The following HDAC9 variants were observed in gnomAD, a reference collection of about 807,000 sequenced individuals.
HDAC9 encodes the protein MEF-2 interacting transcription repressor (MITR) protein.
In HDAC9, 41 loss-of-function variants were observed where a neutral mutation model predicts 139.4. The observed-to-expected ratio is 0.29, with a 90% CI of 0.23 to 0.38. The LOEUF is 0.38. Among genes scored for constraint, HDAC9 ranks in the 10% least tolerant of loss-of-function variants. The pLI is 1.00. For missense variants in HDAC9, 1,147 were observed against 1,297.0 expected (o/e 0.88, Z 1.78); for synonymous variants, 517 against 476.2 (o/e 1.09, Z -1.12).
chr7:18,877,192 A>G (rs1799381758), intron 22 of HDAC9, among the ~76,000 whole-genome samples: 1 of 152,126 alleles, frequency 6.6e-6, no homozygotes, highest in Non-Finnish European at 1.5e-5. Flanking sequence ...TACTTTCTAG[A>G]GATGCTGCCC....
chr7:18,170,720 T>C (rs1290918150), intron 2 of HDAC9, among the ~76,000 whole-genome samples: 1 of 152,226 alleles, frequency 6.6e-6, no homozygotes, highest in African/African-American at 2.4e-5. Flanking sequence ...TCCCATTTCT[T>C]GTTTTTGTCA....
chr7:18,754,101 G>A (rs996170633), intron 14 of HDAC9, among the ~76,000 whole-genome samples: 4 of 151,906 alleles, frequency 2.6e-5, no homozygotes, highest in East Asian at 1.9e-4. Context: ...TTTTTGGCCT[G>A]ACGTGGCACT....
intron 2 of HDAC9, among the ~76,000 whole-genome samples, chr7:18,175,864 A>G (rs930484688): frequency 2.8e-5 from 4 of 143,372 alleles, no homozygotes; most frequent in Admixed American, 7.3e-5. Context: ...ATATCATTGC[A>G]TAATTAACCT....
At chr7:18,376,809 G>A (rs1785025833) in intron 1 of HDAC9, among the ~76,000 whole-genome samples, 1 of 152,086 alleles carries the variant, frequency 6.6e-6, no homozygotes, top group Admixed American at 6.5e-5. Flanking sequence ...AAAACCATCA[G>A]TGTCTTCATC....
At position 18,528,044 on chromosome 7, in the gene HDAC9, A is replaced by G. The variant is rs540241588; in HGVS notation, c.22+31720A>G. On this transcript the variant is annotated intron_variant, in intron 2 of 25. Transcript: ENST00000686413. ...GGTGGTTCACTTCTGTAATCCCAGC[A>G]ATTTGGGAGGGCGAGGCAGTAGGAT... Among the ~76,000 whole-genome samples, 333 of 152,180 alleles carry G rather than the reference A, an allele frequency of 2.2e-3. 3 individuals carry two copies. The highest frequency in any genetic ancestry group is 1.1e-3 in the Non-Finnish European group (77 of 67,998).
At chr7:18,289,478 G>C (rs1321409074), upstream of HDAC9, among the ~76,000 whole-genome samples, 1 of 152,122 alleles carries the variant, frequency 6.6e-6, no homozygotes, top group South Asian at 2.1e-4. Flanking sequence ...ATTACCACAT[G>C]TAAATATATT....
At chr7:18,847,944 C>T (rs945436513) in intron 21 of HDAC9, among the ~76,000 whole-genome samples, 1 of 152,136 alleles carries the variant, frequency 6.6e-6, no homozygotes, top group Admixed American at 6.6e-5. Flanking sequence ...AGACTTAACT[C>T]GTTATGAAAG....
At chr7:18,424,718 G>T (rs1789951290) in intron 1 of HDAC9, among the ~76,000 whole-genome samples, 1 of 152,192 alleles carries the variant, frequency 6.6e-6, no homozygotes, top group Non-Finnish European at 1.5e-5. Context: ...AGGCCAGCCA[G>T]GCCAACCTGG....
chr7:18,152,440 G>A (rs909063205), intron 1 of HDAC9, among the ~76,000 whole-genome samples: 1 of 152,006 alleles, frequency 6.6e-6, no homozygotes, highest in African/African-American at 2.4e-5. Context: ...TTTCTTAATT[G>A]TTCATATGCA....
chr7:18,821,875 C>T (rs373528031), intron 17 of HDAC9, among the ~76,000 whole-genome samples: 18 of 152,256 alleles, frequency 1.2e-4, no homozygotes, highest in Admixed American at 1.1e-3. Flanking sequence ...AGGATAACTT[C>T]CAGAACTCAG....
At chr7:18,648,275 T>C (rs2129030565) in intron 10 of HDAC9, among the ~76,000 whole-genome samples, 191 bp from the exon 11 acceptor site, 1 of 152,228 alleles carries the variant, frequency 6.6e-6, no homozygotes, top group Non-Finnish European at 1.5e-5. Context: ...CCTTGACATT[T>C]CTCTCTTCCC....
At chr7:18,632,162 A>C (rs1028470962) in intron 7 of HDAC9, among the ~76,000 whole-genome samples, 4 of 152,040 alleles carry the variant, frequency 2.6e-5, no homozygotes, top group South Asian at 2.1e-4. Flanking sequence ...AGAATTTTTA[A>C]ATTCTACATT....
At chr7:18,552,764 G>C (rs1817559658) in intron 2 of HDAC9, among the ~76,000 whole-genome samples, 1 of 152,134 alleles carries the variant, frequency 6.6e-6, no homozygotes, top group Non-Finnish European at 1.5e-5. Flanking sequence ...TTTTCTCTGA[G>C]ATGTGGTCTA....
chr7:18,768,615 A>G (rs1369571271), intron 16 of HDAC9, among the ~76,000 whole-genome samples: 1 of 152,174 alleles, frequency 6.6e-6, no homozygotes, highest in Admixed American at 6.6e-5. Flanking sequence ...AACATCTCAA[A>G]TGGCTGTTTT....
intron 7 of HDAC9, among the ~76,000 whole-genome samples, chr7:18,631,474 T>G (rs1481249456): frequency 6.6e-6 from 1 of 152,090 alleles, no homozygotes; most frequent in Admixed American, 6.6e-5. Flanking sequence ...GGATGAGATT[T>G]GTTTGGATCT....
intron 13 of HDAC9, among the ~76,000 whole-genome samples, chr7:18,744,763 A>G (rs1231299284): frequency 6.6e-6 from 1 of 152,196 alleles, no homozygotes; most frequent in African/African-American, 2.4e-5. Flanking sequence ...CAAATACATT[A>G]TCTCATTTAA....
chr7:18,976,810 G>C (rs1313882792), intron 25 of HDAC9, among the ~76,000 whole-genome samples: 5 of 152,146 alleles, frequency 3.3e-5, no homozygotes, highest in African/African-American at 7.2e-5. Context: ...AATCAGGTGA[G>C]GCTTTACTAA....
intron 1 of HDAC9, among the ~76,000 whole-genome samples, chr7:18,480,230 G>A (rs1477303953): frequency 6.6e-6 from 1 of 152,054 alleles, no homozygotes; most frequent in Non-Finnish European, 1.5e-5. Context: ...TACTATTAGG[G>A]ATAGATGGTA....
chr7:18,439,861 A>G (rs1204048257), intron 1 of HDAC9, among the ~76,000 whole-genome samples: 1 of 152,168 alleles, frequency 6.6e-6, no homozygotes, highest in Non-Finnish European at 1.5e-5. Context: ...ACAAAATGTA[A>G]AATGTATTTC....
Sources: allele counts gnomAD v4.1 joint callset (sites outside exome capture counted in the v4.1 genomes callset), GRCh38; gene constraint gnomAD v4.1.1; transcripts MANE v1.5; gene names NCBI Gene and HGNC (gene_info 2026-07-23, HGNC 2026-07-21).